Variants in ELP1 observed in about 807,000 individuals in gnomAD.
ELP1 encodes elongator acetyltransferase complex subunit 1.
Under a neutral mutation model 183.2 loss-of-function variants are expected in ELP1, and 131 were observed. That is an observed-to-expected ratio of 0.72 (90% CI 0.62 to 0.83). The LOEUF is 0.83. ELP1 is among the 40% of genes least tolerant of loss of function. ELP1 has a pLI of 0.00. For missense variants in ELP1, 1,550 were observed against 1,594.9 expected, an observed-to-expected ratio of 0.97 and a Z score of 0.48; for synonymous variants, 555 against 569.0, an observed-to-expected ratio of 0.98 and a Z score of 0.35.
intron 1 of ELP1, among the ~76,000 whole-genome samples, chr9:108,931,770 T>C (rs1488566257): frequency 1.3e-5 from 2 of 152,210 alleles, no homozygotes; most frequent in East Asian, 3.8e-4. Context: ...TACTGGGACA[T>C]GACAACAATT....
chr9:108,893,528 T>C (rs1397734746), intron 26 of ELP1, among the ~76,000 whole-genome samples: 1 of 152,152 alleles, frequency 6.6e-6, no homozygotes, highest in Non-Finnish European at 1.5e-5. Flanking sequence ...GAAGAACAAC[T>C]GGCACCCCAT....
chr9:108,892,879 G>T, intron 27 of ELP1, 107 bp downstream of exon 27: 1 of 802,886 alleles, frequency 1.2e-6, no homozygotes, highest in East Asian at 2.4e-5. Context: ...TTAGTTTTAA[G>T]ATAAATTTTG....
At chr9:108,930,854 G>T in intron 2 of ELP1, 143 bp downstream of exon 2, 2 of 786,150 alleles carry the variant, frequency 2.5e-6, no homozygotes, top group Non-Finnish European at 4.3e-6. Flanking sequence ...GTCTAACATG[G>T]CATATATATG....
At chr9:108,889,754 T>TA (rs1828253022) in intron 28 of ELP1, 1 of 334,914 alleles carries the variant, frequency 3.0e-6, no homozygotes, top group African/African-American at 2.1e-5. Context: ...TGCAGTGTCT[T>TA]TAGATCCTAG....
intron 12 of ELP1, among the ~76,000 whole-genome samples, chr9:108,910,438 T>C (rs917153876): frequency 6.6e-6 from 1 of 152,208 alleles, no homozygotes; most frequent in African/African-American, 2.4e-5. Flanking sequence ...ATTTATGACA[T>C]AACCACAGAA....
At chr9:108,897,506 A>G (rs1828603250) in intron 22 of ELP1, among the ~76,000 whole-genome samples, 1 of 152,238 alleles carries the variant, frequency 6.6e-6, no homozygotes, top group Non-Finnish European at 1.5e-5. Flanking sequence ...AGTACAATCC[A>G]CATGTCCAGC....
At chr9:108,922,724 C>T in intron 6 of ELP1, 118 bp downstream of exon 6, 1 of 796,074 alleles carries the variant, frequency 1.3e-6, no homozygotes. Context: ...GGCAGTTTTA[C>T]TAAAGCAGAA....
At chr9:108,902,985 C>A in intron 15 of ELP1, 43 bp from the exon 16 acceptor site, 1 of 1,461,526 alleles carries the variant, frequency 6.8e-7, no homozygotes, top group Non-Finnish European at 9.6e-7. Flanking sequence ...CTGATGCGCT[C>A]TTTGCAAAAA....
At chr9:108,908,772 T>A (rs745903222) in intron 12 of ELP1, among the ~76,000 whole-genome samples, 1 of 152,234 alleles carries the variant, frequency 6.6e-6, no homozygotes, top group Non-Finnish European at 1.5e-5. Flanking sequence ...CAGCAGCCAA[T>A]GCAAGCCTTT....
At chr9:108,903,822 T>TAC (rs1491534328) in intron 14 of ELP1, among the ~76,000 whole-genome samples, 153 bp from the exon 15 acceptor site, 556 of 55,232 alleles carry the variant, frequency 0.01, 4 homozygotes, top group African/African-American at 0.03. Context: ...CACCCAATAC[T>TAC]ATACACACAC....
At position 108,880,087 on chromosome 9, in the gene ELP1, C is replaced by T. The variant is rs746668947; in HGVS notation, c.3425G>A (p.Arg1142Gln). The T allele has an allele frequency of 4.3e-6, 7 of 1,613,958 alleles. No homozygotes were observed. Among genetic ancestry groups the T allele is most frequent in the East Asian group, 2.2e-5 (1 of 44,898 alleles). ...SRHKKRLLVV[R>Q]ELKEQAQQAG... ...CTGCTGGGCTTGCTCCTTGAGCTCT[C>T]GAACTACCAATAAACGTTTCTTGTG... The change falls in exon 32 of 37, where the codon CGA becomes CAA. Residue 1142 changes from arginine (R) to glutamine (Q), a missense_variant. Coordinates refer to ENST00000374647, the MANE Select transcript of ELP1 (RefSeq NM_003640.5).
intron 36 of ELP1, among the ~76,000 whole-genome samples, chr9:108,870,969 ATTTTTTT>A (rs33952302): frequency 7.2e-5 from 6 of 83,566 alleles, no homozygotes; most frequent in African/African-American, 9.9e-5. Context: ...TTCATGCACC[ATTTTTTT>A]TTTTTTTTTT....
At chr9:108,933,496 G>A (rs372255918) in intron 1 of ELP1, among the ~76,000 whole-genome samples, 4 of 152,174 alleles carry the variant, frequency 2.6e-5, no homozygotes, top group African/African-American at 7.2e-5. Flanking sequence ...CCACCTCCAC[G>A]AAAAAGTCTC....
At chr9:108,922,734 A>G (rs1829689828) in intron 6 of ELP1, 108 bp downstream of exon 6, 1 of 819,430 alleles carries the variant, frequency 1.2e-6, no homozygotes, top group Admixed American at 1.7e-5. Flanking sequence ...CTAAAGCAGA[A>G]GAGAACTGTT....
At chr9:108,917,769 G>C in intron 8 of ELP1, 99 bp from the exon 9 acceptor site, 1 of 1,207,354 alleles carries the variant, frequency 8.3e-7, no homozygotes, top group Non-Finnish European at 1.2e-6. Context: ...ATGAATGAAT[G>C]AATGAACGAA....
chr9:108,872,543 G>A (rs1474000441), intron 36 of ELP1, among the ~76,000 whole-genome samples: 2 of 151,994 alleles, frequency 1.3e-5, no homozygotes, highest in African/African-American at 2.4e-5. Flanking sequence ...GGTGGCTCAC[G>A]CTTGTAATCC....
intron 28 of ELP1, among the ~76,000 whole-genome samples, chr9:108,890,542 T>C (rs7040511): frequency 0.014 from 2,208 of 152,312 alleles, 54 homozygotes; most frequent in African/African-American, 0.05. Context: ...TCTCTTTTCA[T>C]AGGTGTCCTT....
At chr9:108,871,956 A>G (rs1402941272) in intron 36 of ELP1, among the ~76,000 whole-genome samples, 1 of 152,212 alleles carries the variant, frequency 6.6e-6, no homozygotes, top group Non-Finnish European at 1.5e-5. Context: ...GGGTTCATTT[A>G]TCTTGAAGTG....
intron 9 of ELP1, 27 bp downstream of exon 9, chr9:108,917,520 G>A (rs199567254): frequency 3.4e-5 from 54 of 1,609,200 alleles, no homozygotes; most frequent in Middle Eastern, 1.6e-4. Flanking sequence ...CTCTACATTC[G>A]AGGGTGAAAC....
Sources: allele counts gnomAD v4.1 joint callset (sites outside exome capture counted in the v4.1 genomes callset), GRCh38; gene constraint gnomAD v4.1.1; transcripts MANE v1.5; gene names NCBI Gene and HGNC (gene_info 2026-07-23, HGNC 2026-07-21).